The following PTPRK variants were observed in gnomAD, a reference collection of about 807,000 sequenced individuals.
PTPRK encodes receptor-type tyrosine-protein phosphatase kappa.
PTPRK carries 75 observed loss-of-function variants against 178.0 expected under a neutral mutation model. The observed-to-expected ratio is 0.42, with a 90% CI of 0.35 to 0.51. PTPRK has a LOEUF of 0.51. PTPRK is among the 20% of genes least tolerant of loss of function. PTPRK has a pLI of 0.02. For synonymous variants in PTPRK, 637 were observed against 620.6 expected (o/e 1.03, Z -0.39); for missense variants, 1,441 against 1,797.8 (o/e 0.80, Z 3.59).
At chr6:128,086,867 G>T (rs1259160206) in intron 8 of PTPRK, among the ~76,000 whole-genome samples, 1 of 151,858 alleles carries the variant, frequency 6.6e-6, no homozygotes, top group Admixed American at 6.6e-5. Flanking sequence ...ACAATACTAT[G>T]AAATAATAAT....
In PTPRK at chr6:127,971,979, A is replaced by G. The variant is rs1438937555; in HGVS notation, c.4269+1043T>C. 9.2e-5 allele frequency among the ~76,000 whole-genome samples: 14 copies of G among 152,206 alleles called. No individual in the cohort carries two copies. The East Asian group carries it at 1.7e-3, about 19-fold the overall frequency. On this transcript the variant is annotated intron_variant, in intron 29 of 29. Coordinates refer to ENST00000368226, the MANE Select transcript of PTPRK (RefSeq NM_002844.4). ...TCTCATCTCCATAGCCAGCACCCCAATCAAAACCAATGTAATCTTGTGTAG... is the reference window on the plus strand; with the variant it reads ...TCTCATCTCCATAGCCAGCACCCCAGTCAAAACCAATGTAATCTTGTGTAG...
At chr6:127,989,609 T>C (rs1034791949) in intron 21 of PTPRK, among the ~76,000 whole-genome samples, 2 of 152,084 alleles carry the variant, frequency 1.3e-5, no homozygotes, top group South Asian at 4.1e-4. Context: ...GGAGATATAC[T>C]GTTTTATTGA....
intron 2 of PTPRK, among the ~76,000 whole-genome samples, chr6:128,373,409 G>C (rs1461920903): frequency 1.3e-5 from 2 of 152,126 alleles, no homozygotes; most frequent in Non-Finnish European, 2.9e-5. Context: ...CCATTACATT[G>C]ATGTTTATCA....
chr6:128,391,782 T>C (rs1307420750), intron 2 of PTPRK, among the ~76,000 whole-genome samples: 1 of 151,706 alleles, frequency 6.6e-6, no homozygotes, highest in East Asian at 1.9e-4. Context: ...GCATATATAA[T>C]ATTATTTTAA....
intron 2 of PTPRK, among the ~76,000 whole-genome samples, chr6:128,384,239 G>A (rs1455262772): frequency 6.6e-6 from 1 of 152,096 alleles, no homozygotes; most frequent in Non-Finnish European, 1.5e-5. Flanking sequence ...CCACACGCAC[G>A]ATAGTCCACA....
intron 19 of PTPRK, 32 bp downstream of exon 19, chr6:127,992,641 T>C (rs747748441): frequency 1.3e-6 from 2 of 1,565,540 alleles, no homozygotes; most frequent in African/African-American, 1.4e-5. Context: ...AAGTTTGTTT[T>C]TTCTATAACA....
At position 128,035,225 on chromosome 6, in the gene PTPRK, G is replaced by GCGTT. The variant is rs1416683738; in HGVS notation, c.2195-25961_2195-25958dup. Among the ~76,000 whole-genome samples, 10 of 152,190 alleles carry GCGTT rather than the reference G, an allele frequency of 6.6e-5. No individual in the cohort carries two copies. The South Asian group carries it at 1.5e-3, about 22-fold the overall frequency. On this transcript the variant is annotated intron_variant, in intron 13 of 29. Coordinates refer to ENST00000368226, the MANE Select transcript of PTPRK (RefSeq NM_002844.4). ...CTACAAAAAATACAAAATTATCCAG[G>GCGTT]CGTTGTAGCAAGTGCCTGTAATCTC... is the stretch of plus-strand genomic sequence containing the variant.
chr6:128,178,402 T>A (rs996872295), intron 7 of PTPRK, among the ~76,000 whole-genome samples: 1 of 151,888 alleles, frequency 6.6e-6, no homozygotes, highest in Non-Finnish European at 1.5e-5. Context: ...AGCTCTTGAA[T>A]TTATCTCCAA....
At chr6:128,162,373 A>G (rs867967660) in intron 7 of PTPRK, among the ~76,000 whole-genome samples, 24 of 151,588 alleles carry the variant, frequency 1.6e-4, no homozygotes, top group Admixed American at 1.1e-3. Flanking sequence ...TTTGTGCATG[A>G]AAGAGAAAAT....
intron 1 of PTPRK, among the ~76,000 whole-genome samples, chr6:128,481,064 G>T (rs192302890): frequency 7.3e-5 from 11 of 150,034 alleles, no homozygotes; most frequent in African/African-American, 2.2e-4. Context: ...ACAGCCCTGA[G>T]AACAAACTGC....
intron 3 of PTPRK, among the ~76,000 whole-genome samples, chr6:128,259,076 G>A (rs1377807111): frequency 6.6e-6 from 1 of 151,822 alleles, no homozygotes; most frequent in Non-Finnish European, 1.5e-5. Context: ...GGAGAAGTGT[G>A]GGGAGGTCCA....
intron 2 of PTPRK, among the ~76,000 whole-genome samples, chr6:128,387,064 T>C (rs1208194795): frequency 6.6e-6 from 1 of 152,108 alleles, no homozygotes; most frequent in African/African-American, 2.4e-5. Context: ...CGAGACTCTG[T>C]CTAAATAAAT....
intron 2 of PTPRK, 69 bp downstream of exon 2, chr6:128,397,497 T>C: frequency 1.3e-6 from 2 of 1,564,584 alleles, no homozygotes; most frequent in Non-Finnish European, 1.8e-6. Context: ...GTTGTTACAC[T>C]TTAAATAAGA....
chr6:128,071,733 G>A (rs999773587), intron 11 of PTPRK, among the ~76,000 whole-genome samples: 5 of 151,892 alleles, frequency 3.3e-5, no homozygotes, highest in Admixed American at 3.3e-4. Flanking sequence ...TGTAATCATG[G>A]TGAGTCTTTA....
intron 1 of PTPRK, among the ~76,000 whole-genome samples, chr6:128,503,041 C>T (rs1280325926): frequency 2.6e-5 from 4 of 152,064 alleles, no homozygotes; most frequent in East Asian, 1.9e-4. Context: ...GCCTGGCCAA[C>T]GTGGTGAAAC....
intron 7 of PTPRK, among the ~76,000 whole-genome samples, chr6:128,124,791 G>A (rs1010974659): frequency 3.3e-5 from 5 of 152,190 alleles, no homozygotes; most frequent in Admixed American, 1.3e-4. Context: ...ACCAGCCTCC[G>A]GGAGGAAAAA....
chr6:128,186,826 G>A (rs1266375891), intron 6 of PTPRK, among the ~76,000 whole-genome samples: 1 of 152,048 alleles, frequency 6.6e-6, no homozygotes, highest in Non-Finnish European at 1.5e-5. Context: ...GAATCGAGAA[G>A]TGAACATAAT....
chr6:128,008,061 C>T (rs1778630539), intron 14 of PTPRK: 1 of 1,349,634 alleles, frequency 7.4e-7, no homozygotes. Flanking sequence ...GTTTCTAATG[C>T]AGATGTGTCT....
intron 13 of PTPRK, among the ~76,000 whole-genome samples, chr6:128,027,287 C>T (rs562273975): frequency 2.0e-5 from 3 of 152,262 alleles, no homozygotes; most frequent in African/African-American, 7.2e-5. Context: ...AACTGTTTGT[C>T]CATTTAACCA....
Sources: allele counts gnomAD v4.1 joint callset (sites outside exome capture counted in the v4.1 genomes callset), GRCh38; gene constraint gnomAD v4.1.1; transcripts MANE v1.5; gene names NCBI Gene and HGNC (gene_info 2026-07-23, HGNC 2026-07-21).